The following EXOC4 variants were observed in gnomAD, a reference collection of about 807,000 sequenced individuals.
The protein encoded by EXOC4 is exocyst complex component 4.
Under a neutral mutation model 107.2 loss-of-function variants are expected in EXOC4, and 71 were observed. The ratio of observed to expected loss-of-function variants is 0.66; its 90% CI spans 0.55 to 0.81. The LOEUF (loss-of-function observed/expected upper bound fraction) is 0.81, where lower values mean the gene tolerates loss of function less well. Ranked by LOEUF, EXOC4 falls within the 30% of genes least tolerant of loss-of-function variation. The pLI, the probability that EXOC4 is intolerant of heterozygous loss-of-function variation, is 0.00. For missense variants in EXOC4, 1,108 were observed against 1,189.6 expected (o/e 0.93, Z 1.01); for synonymous variants, 456 against 441.2 (o/e 1.03, Z -0.42).
intron 9 of EXOC4, among the ~76,000 whole-genome samples, chr7:133,581,721 GCAGTC>G (rs1347103380): frequency 7.4e-6 from 1 of 135,492 alleles, no homozygotes; most frequent in Non-Finnish European, 1.5e-5. Context: ...TAGCGCCACT[GCAGTC>G]CAGCTTGGGC....
intron 10 of EXOC4, among the ~76,000 whole-genome samples, chr7:133,696,784 C>A (rs1284011435): frequency 3.3e-5 from 5 of 152,122 alleles, no homozygotes; most frequent in African/African-American, 1.2e-4. Flanking sequence ...TATTTAATTT[C>A]TTTGTTTACA....
In EXOC4 at chr7:133,633,531, C is replaced by T. The variant is rs532448190; in HGVS notation, c.1514+3390C>T. Among the ~76,000 whole-genome samples the T allele has an allele frequency of 1.9e-4, 29 of 152,098 alleles. No individual in the cohort carries two copies. The South Asian group carries it at 5.0e-3, about 26-fold the overall frequency. On this transcript the variant is annotated intron_variant, in intron 10 of 17. Coordinates refer to ENST00000253861, the MANE Select transcript of EXOC4 (RefSeq NM_021807.4). ...GTCAGGAGTTTGAGACCAGCCTGGC[C>T]GACATGGTGAAACCCTGTCTCTACT...
chr7:133,733,711 A>G (rs1258848683), intron 10 of EXOC4: 3 of 152,132 alleles, frequency 2.0e-5, no homozygotes, highest in African/African-American at 7.2e-5. Flanking sequence ...TTCCTTGCCA[A>G]TTCTTAACTA....
At chr7:133,785,737 A>G (rs1418850186) in intron 10 of EXOC4, among the ~76,000 whole-genome samples, 1 of 150,776 alleles carries the variant, frequency 6.6e-6, no homozygotes, top group African/African-American at 2.4e-5. Flanking sequence ...CAGTGGTGCT[A>G]TCTCAGCTCA....
At chr7:133,917,801 A>C (rs780195352) in intron 13 of EXOC4, 63 bp downstream of exon 13, 3 of 1,459,924 alleles carry the variant, frequency 2.1e-6, no homozygotes, top group Non-Finnish European at 2.8e-6. Flanking sequence ...TTTAGCTAAT[A>C]TTTTTTTACA....
intron 10 of EXOC4, among the ~76,000 whole-genome samples, chr7:133,638,733 A>G (rs917539501): frequency 6.6e-6 from 1 of 152,186 alleles, no homozygotes; most frequent in Admixed American, 6.5e-5. Flanking sequence ...AAAGAAAACT[A>G]GCTTTCTTCT....
At chr7:133,824,569 G>A (rs1269425459) in intron 11 of EXOC4, among the ~76,000 whole-genome samples, 2 of 152,154 alleles carry the variant, frequency 1.3e-5, no homozygotes, top group Non-Finnish European at 2.9e-5. Context: ...ATTAAAGCTA[G>A]GGGATTAGTT....
intron 9 of EXOC4, among the ~76,000 whole-genome samples, chr7:133,615,520 A>G (rs1802174542): frequency 6.6e-6 from 1 of 152,090 alleles, no homozygotes; most frequent in South Asian, 2.1e-4. Flanking sequence ...TTACATAAAG[A>G]TTTTTGACTG....
intron 7 of EXOC4, among the ~76,000 whole-genome samples, chr7:133,424,924 A>T (rs1797690768): frequency 6.6e-6 from 1 of 152,210 alleles, no homozygotes; most frequent in African/African-American, 2.4e-5. Context: ...GTTGGCTAGC[A>T]CACAGAAAAT....
intron 3 of EXOC4, among the ~76,000 whole-genome samples, chr7:133,301,495 T>G (rs562713080): frequency 6.6e-6 from 1 of 152,222 alleles, no homozygotes; most frequent in Non-Finnish European, 1.5e-5. Context: ...AAGGGAGATT[T>G]ACTGACCTAG....
At chr7:133,262,790 C>T (rs1310626631) in intron 1 of EXOC4, among the ~76,000 whole-genome samples, 2 of 152,148 alleles carry the variant, frequency 1.3e-5, no homozygotes, top group Admixed American at 6.6e-5. Context: ...TTGAAATGTT[C>T]TCAACATATA....
chr7:133,817,024 GT>G (rs1563011119), intron 10 of EXOC4, among the ~76,000 whole-genome samples: 1 of 151,948 alleles, frequency 6.6e-6, no homozygotes, highest in African/African-American at 2.4e-5. Flanking sequence ...TGTGTTTTTT[GT>G]TTTTCACATT....
In EXOC4 at chr7:133,790,726, T is replaced by G. The variant is rs944244712; in HGVS notation, c.1515-26599T>G. 4.6e-5 allele frequency among the ~76,000 whole-genome samples: 7 copies of G among 152,382 alleles called. No homozygotes were observed. In the South Asian group the frequency reaches 1.4e-3, roughly 32 times the overall value. ...GTGACTGAAATATTCTTAAGTTCCA[T>G]GAAACAAACCTTTCCAGATTGAGAT... On this transcript the variant is annotated intron_variant, in intron 10 of 17. Transcript: ENST00000253861.
intron 9 of EXOC4, among the ~76,000 whole-genome samples, chr7:133,626,696 C>CT (rs759759219): frequency 6.6e-6 from 1 of 152,188 alleles, no homozygotes; most frequent in Non-Finnish European, 1.5e-5. Context: ...TATTTAGTAT[C>CT]TAATCTCATA....
At chr7:133,900,033 TG>T (rs898546540) in intron 12 of EXOC4, among the ~76,000 whole-genome samples, 4 of 152,164 alleles carry the variant, frequency 2.6e-5, no homozygotes, top group African/African-American at 7.2e-5. Context: ...AGATGCACTC[TG>T]GGTGTTGAGC....
At chr7:133,985,809 C>T (rs979499140) in intron 14 of EXOC4, among the ~76,000 whole-genome samples, 3 of 152,136 alleles carry the variant, frequency 2.0e-5, no homozygotes, top group African/African-American at 7.2e-5. Context: ...TGTGACTAGA[C>T]CATAGAACAG....
chr7:133,447,979 A>T (rs1318659132), intron 7 of EXOC4, among the ~76,000 whole-genome samples: 2 of 152,202 alleles, frequency 1.3e-5, no homozygotes, highest in South Asian at 2.1e-4. Context: ...TTTATTTAGT[A>T]GTTGTCATGG....
At position 133,665,796 on chromosome 7, in the gene EXOC4, A is replaced by T. The variant is rs147832573; in HGVS notation, c.1514+35655A>T. Among the ~76,000 whole-genome samples, 515 of 152,296 alleles carry T rather than the reference A, an allele frequency of 3.4e-3. 1 individual carries two copies. The highest frequency in any genetic ancestry group is 5.7e-3 in the Non-Finnish European group (386 of 68,018). On this transcript the variant is annotated intron_variant, in intron 10 of 17. Coordinates refer to ENST00000253861, the MANE Select transcript of EXOC4 (RefSeq NM_021807.4). ...AAATTCAGTTTTATTGCCTTCTTCC[A>T]AAGTAATTTCTGTTAATCCAGCCAG...
chr7:133,501,237 A>G (rs1375285654), intron 9 of EXOC4, among the ~76,000 whole-genome samples: 3 of 152,204 alleles, frequency 2.0e-5, no homozygotes. Flanking sequence ...TTGCTTTATT[A>G]GTAATCACAG....
Sources: allele counts gnomAD v4.1 joint callset (sites outside exome capture counted in the v4.1 genomes callset), GRCh38; gene constraint gnomAD v4.1.1; transcripts MANE v1.5; gene names NCBI Gene and HGNC (gene_info 2026-07-23, HGNC 2026-07-21).